Variants in NPNT observed in about 807,000 individuals in gnomAD.
NPNT encodes the protein nephronectin, also known as preosteoblast EGF-like repeat protein with MAM domain.
A neutral mutation model predicts 68.6 loss-of-function variants in NPNT; 45 were observed. That is an observed-to-expected ratio of 0.66 (90% CI 0.52 to 0.84). The LOEUF (loss-of-function observed/expected upper bound fraction) is 0.84. NPNT is among the 40% of genes least tolerant of loss of function. The pLI is 0.00. For missense variants in NPNT, 672 were observed against 714.8 expected, an observed-to-expected ratio of 0.94 and a Z score of 0.68; for synonymous variants, 233 against 253.3, an observed-to-expected ratio of 0.92 and a Z score of 0.76.
In NPNT at chr4:105,942,657, A is replaced by C. The variant is rs189950888; in HGVS notation, c.1114A>C (p.Asn372His). The change falls in exon 8 of 12, where the codon AAC (asparagine) becomes CAC (histidine). Residue 372 changes from asparagine (N) to histidine (H), a missense_variant. Coordinates refer to ENST00000379987, the MANE Select transcript of NPNT (RefSeq NM_001033047.3). Reference sequence around the variant, plus strand: ...ACCTCCAGGAGGGATTACAGTTGACAACAGGGTACAGACAGACCCTCAGAA... The same window carrying C: ...ACCTCCAGGAGGGATTACAGTTGACCACAGGGTACAGACAGACCCTCAGAA... ...STPPGGITVDNRVQTDPQKPR... is the reference protein window; with the variant it reads ...STPPGGITVDHRVQTDPQKPR... 1 of 1,613,966 alleles carries C rather than the reference A, an allele frequency of 6.2e-7. No individual in the cohort carries two copies. The highest frequency in any genetic ancestry group is 2.2e-5 in the East Asian group (1 of 44,868).
At chr4:105,956,437 A>G (rs753050192) in intron 8 of NPNT, among the ~76,000 whole-genome samples, 7 of 151,542 alleles carry the variant, frequency 4.6e-5, no homozygotes, top group Non-Finnish European at 1.0e-4. Flanking sequence ...TTACATCAAC[A>G]CTCGATTTGC....
rs757771463 is a variant in NPNT, at chr4:105,912,193, TAC to T, written c.172+14193_172+14194del. 29 of 1,533,264 alleles carry T rather than the reference TAC, an allele frequency of 1.9e-5. No homozygotes were observed. The East Asian group carries it at 6.1e-4, about 32-fold the overall frequency. The allele number at this position is 1,533,264 out of a possible 1,614,324, so 95.0% of individuals were successfully genotyped here. On this transcript the variant is annotated intron_variant, in intron 2 of 11. Coordinates refer to ENST00000379987, the MANE Select transcript of NPNT (RefSeq NM_001033047.3). The stretch of plus-strand genomic sequence containing the variant: ...TTTGGACATTTGTTTTGCAGCTTTC[TAC>T]GTCTTAAGGCAGAGAATAGCCAGGA...
chr4:105,909,150 G>A (rs946964081), intron 2 of NPNT, among the ~76,000 whole-genome samples: 3 of 152,232 alleles, frequency 2.0e-5, no homozygotes, highest in Middle Eastern at 6.8e-3. Context: ...ATGTTTAGTT[G>A]TATTTTTTAG....
intron 3 of NPNT, among the ~76,000 whole-genome samples, chr4:105,935,389 C>T (rs1486597844): frequency 1.3e-5 from 2 of 152,156 alleles, no homozygotes; most frequent in Non-Finnish European, 2.9e-5. Context: ...TCATTAACTC[C>T]TCTTAGAAGA....
chr4:105,898,298 C>T (rs896165919), intron 2 of NPNT, among the ~76,000 whole-genome samples: 7 of 126,790 alleles, frequency 5.5e-5, no homozygotes, highest in African/African-American at 2.8e-4. Flanking sequence ...ATTTCTCTCT[C>T]TCTCTCTCTC....
At chr4:105,954,949 T>C (rs911584389) in intron 8 of NPNT, among the ~76,000 whole-genome samples, 1 of 152,170 alleles carries the variant, frequency 6.6e-6, no homozygotes, top group African/African-American at 2.4e-5. Flanking sequence ...GTATGCCCAA[T>C]GCTTTATAAC....
intron 8 of NPNT, among the ~76,000 whole-genome samples, chr4:105,955,004 A>C (rs1386777714): frequency 6.6e-6 from 1 of 152,230 alleles, no homozygotes; most frequent in Admixed American, 6.5e-5. Flanking sequence ...CAGTTTCTTG[A>C]CTGACTGCAT....
chr4:105,958,643 C>T, intron 9 of NPNT, 86 bp downstream of exon 9: 1 of 729,712 alleles, frequency 1.4e-6, no homozygotes, highest in Non-Finnish European at 2.1e-6. Flanking sequence ...ATCGTTTGGA[C>T]CATTTGGGAA....
At chr4:105,968,835 A>G in intron 11 of NPNT, 60 bp from the exon 12 acceptor site, 2 of 970,604 alleles carry the variant, frequency 2.1e-6, no homozygotes, top group Non-Finnish European at 3.2e-6. Context: ...TTTTTGCTTA[A>G]TAAGGAGGCA....
intron 4 of NPNT, among the ~76,000 whole-genome samples, chr4:105,937,955 TCTG>T (rs1321089250): frequency 1.3e-5 from 2 of 152,190 alleles, no homozygotes; most frequent in Admixed American, 6.5e-5. Flanking sequence ...CAATGGGAAA[TCTG>T]CTGTTCCCCT....
At chr4:105,914,339 G>A (rs1382310402) in intron 2 of NPNT, among the ~76,000 whole-genome samples, 2 of 133,364 alleles carry the variant, frequency 1.5e-5, no homozygotes, top group African/African-American at 5.6e-5. Flanking sequence ...GTAATAGCTG[G>A]CTCTCTCTCT....
Position 105,969,059 on chromosome 4 carries a change from T to A in NPNT, c.*69T>A. On this transcript the variant is annotated 3_prime_UTR_variant, in exon 12 of 12. Transcript: ENST00000379987. Reference sequence around the variant, plus strand: ...TTTTTCCAATTCTCATCTTCTCTCCTCTTCTCCCTTTTATCAGGCCTAGGA... The same window carrying A: ...TTTTTCCAATTCTCATCTTCTCTCCACTTCTCCCTTTTATCAGGCCTAGGA... The A allele has an allele frequency of 9.9e-7, 1 of 1,012,580 alleles. No homozygotes were observed. The highest frequency in any genetic ancestry group is 1.5e-6 in the Non-Finnish European group (1 of 660,032). The allele number at this position is 1,012,580 out of a possible 1,614,324, so 62.7% of individuals were successfully genotyped here.
At chr4:105,926,731 G>T (rs570865990) in intron 2 of NPNT, among the ~76,000 whole-genome samples, 3 of 152,278 alleles carry the variant, frequency 2.0e-5, no homozygotes, top group East Asian at 1.9e-4. Context: ...CTATGTTAGG[G>T]CATAGAAAGG....
intron 2 of NPNT, among the ~76,000 whole-genome samples, chr4:105,925,349 C>G (rs1277207439): frequency 6.6e-6 from 1 of 151,944 alleles, no homozygotes; most frequent in Admixed American, 6.6e-5. Flanking sequence ...AGAGCACTGC[C>G]TAAGGATTTG....
intron 10 of NPNT, among the ~76,000 whole-genome samples, chr4:105,960,012 C>G (rs141906793): frequency 0.023 from 3,478 of 151,988 alleles, 58 homozygotes; most frequent in Middle Eastern, 0.055. Flanking sequence ...AGGTTTCACC[C>G]TGTTAGCCAG....
At chr4:105,932,878 C>G (rs1729224268) in intron 3 of NPNT, among the ~76,000 whole-genome samples, 1 of 152,228 alleles carries the variant, frequency 6.6e-6, no homozygotes. Flanking sequence ...CTCTGAAAAG[C>G]ATGGAGCCCT....
At chr4:105,916,282 C>T (rs553740194) in intron 2 of NPNT, among the ~76,000 whole-genome samples, 67 of 151,790 alleles carry the variant, frequency 4.4e-4, no homozygotes, top group South Asian at 1.0e-3. Context: ...TGCAATGGTG[C>T]GAGCTCTGCT....
At position 105,969,644 on chromosome 4, in the gene NPNT, A is replaced by G. The variant is rs1732433995; in HGVS notation, c.*654A>G. On this transcript the variant is annotated 3_prime_UTR_variant, in exon 12 of 12. Transcript: ENST00000379987. The stretch of plus-strand genomic sequence containing the variant: ...CTTAGTAGTATTGTGTTTTGTGTAA[A>G]TGTGCTATTGATATTAAGTATTTAC... The G allele has an allele frequency of 6.6e-6, 1 of 152,068 alleles. No homozygotes were observed. The highest frequency in any genetic ancestry group is 2.4e-5 in the African/African-American group (1 of 41,392). 9.4% of individuals were successfully genotyped at this position (152,068 alleles called of 1,614,324 possible). A position where few individuals can be genotyped will look rare whatever the true frequency, so the allele number is the denominator to read the frequency against.
rs189899100 is a variant in NPNT at position 105,899,626 on chromosome 4, G to A, written c.172+1625G>A. Among the ~76,000 whole-genome samples, 145 of 152,244 alleles carry A rather than the reference G, an allele frequency of 9.5e-4. 1 individual carries two copies. Among genetic ancestry groups the A allele is most frequent in the African/African-American group, 3.2e-3 (135 of 41,560 alleles). ...GCACATAGCAGTTAGGCAAACATTC[G>A]TTTGCTTCACCTTTTATGTTTATAC... On this transcript the variant is annotated intron_variant, in intron 2 of 11. Coordinates refer to ENST00000379987, the MANE Select transcript of NPNT (RefSeq NM_001033047.3).
Sources: gnomAD v4.1 joint callset for allele counts (sites outside exome capture counted in the v4.1 genomes callset) on GRCh38, gnomAD v4.1.1 for gene constraint, MANE v1.5 for transcripts, NCBI Gene and HGNC (gene_info 2026-07-23, HGNC 2026-07-21) for gene names.